BNC2: variants seen among roughly 807,000 people sequenced by gnomAD.
BNC2 encodes zinc finger protein basonuclin-2.
In BNC2, 20 loss-of-function variants were observed where a neutral mutation model predicts 76.3. That is an observed-to-expected ratio of 0.26 (90% CI 0.18 to 0.38). The LOEUF (loss-of-function observed/expected upper bound fraction) is 0.38. BNC2 is among the 10% of genes least tolerant of loss of function. The pLI is 1.00. For synonymous variants in BNC2, 582 were observed against 514.8 expected (o/e 1.13, Z -1.77); for missense variants, 1,382 against 1,399.8 (o/e 0.99, Z 0.20).
At chr9:16,674,414 C>A (rs2134213419) in intron 3 of BNC2, among the ~76,000 whole-genome samples, 1 of 152,288 alleles carries the variant, frequency 6.6e-6, no homozygotes, top group African/African-American at 2.4e-5. Flanking sequence ...TGTCAGCACT[C>A]TTTTAAAACC....
chr9:16,750,126 TTC>T, intron 1 of BNC2, among the ~76,000 whole-genome samples: 2 of 152,320 alleles, frequency 1.3e-5, no homozygotes, highest in Middle Eastern at 3.4e-3. Context: ...GAGTTTTGTT[TTC>T]TGTTTTAAAG....
intron 1 of BNC2, among the ~76,000 whole-genome samples, chr9:16,843,317 G>A (rs886437913): frequency 1.3e-5 from 2 of 152,198 alleles, no homozygotes; most frequent in African/African-American, 4.8e-5. Flanking sequence ...TTCGAAAGGT[G>A]TACACTAAGA....
At chr9:16,487,863 G>T (rs1822197402) in intron 5 of BNC2, among the ~76,000 whole-genome samples, 1 of 152,128 alleles carries the variant, frequency 6.6e-6, no homozygotes, top group African/African-American at 2.4e-5. Flanking sequence ...CCTAATGCAG[G>T]ATCAGTAAGC....
chr9:16,614,773 C>T (rs1455314451), intron 3 of BNC2, among the ~76,000 whole-genome samples: 1 of 151,680 alleles, frequency 6.6e-6, no homozygotes, highest in Non-Finnish European at 1.5e-5. Flanking sequence ...ACAGGGAAGC[C>T]CTGTCTCTAC....
chr9:16,749,766 T>C (rs1825130323), intron 1 of BNC2, among the ~76,000 whole-genome samples: 2 of 151,824 alleles, frequency 1.3e-5, no homozygotes, highest in Admixed American at 1.3e-4. Flanking sequence ...ATGAAAGATA[T>C]TATTTAATAA....
rs1554729471 is a variant in BNC2 at position 16,780,249 on chromosome 9, A to AAC, written c.4-41765_4-41764insGT. On this transcript the variant is annotated intron_variant, in intron 1 of 6. Coordinates refer to ENST00000380672, the MANE Select transcript of BNC2 (RefSeq NM_017637.6). ...AGACTTCGTTTCAAAAAAAAAAAAA[A>AAC]AAAAAAACAAAAAAAAACTACTGAA... is the stretch of plus-strand genomic sequence containing the variant. Among the ~76,000 whole-genome samples the AAC allele has an allele frequency of 5.5e-3, 720 of 132,078 alleles. 16 individuals are homozygous for AAC. The highest frequency in any genetic ancestry group is 0.023 in the African/African-American group (656 of 28,782). The allele number at this position is 132,078 out of a possible 152,430, so 86.6% of individuals were successfully genotyped here. A position where few individuals can be genotyped will look rare whatever the true frequency, so the allele number is the denominator to read the frequency against.
chr9:16,696,662 A>G (rs534299554), intron 3 of BNC2, among the ~76,000 whole-genome samples: 5 of 152,354 alleles, frequency 3.3e-5, no homozygotes, highest in African/African-American at 1.2e-4. Flanking sequence ...CATAGCAGAT[A>G]GTCAACAAAT....
intron 3 of BNC2, among the ~76,000 whole-genome samples, chr9:16,710,949 G>A (rs1823819068): frequency 6.6e-6 from 1 of 152,088 alleles, no homozygotes; most frequent in Admixed American, 6.6e-5. Flanking sequence ...AATTGGCTGG[G>A]CTTCCTGAGA....
At chr9:16,422,343 A>C (rs1322322267) in intron 6 of BNC2, among the ~76,000 whole-genome samples, 1 of 152,110 alleles carries the variant, frequency 6.6e-6, no homozygotes, top group Non-Finnish European at 1.5e-5. Context: ...ATTGACTTTT[A>C]TTCAATTAAG....
At chr9:16,788,338 A>ATCACAAG (rs372924634) in intron 1 of BNC2, among the ~76,000 whole-genome samples, 33 of 151,148 alleles carry the variant, frequency 2.2e-4, no homozygotes, top group Admixed American at 5.9e-4. Context: ...CAGATCATGA[A>ATCACAAG]GTCAGGAGAT....
At chr9:16,428,605 T>C (rs571347726) in intron 6 of BNC2, among the ~76,000 whole-genome samples, 3 of 152,348 alleles carry the variant, frequency 2.0e-5, no homozygotes, top group African/African-American at 4.8e-5. Flanking sequence ...ATAATTCAGA[T>C]TGATATATGC....
chr9:16,837,771 T>C (rs774817907), intron 1 of BNC2, among the ~76,000 whole-genome samples: 1 of 152,318 alleles, frequency 6.6e-6, no homozygotes, highest in Non-Finnish European at 1.5e-5. Flanking sequence ...GCTATCAAAT[T>C]AGCCTGGTCT....
intron 5 of BNC2, among the ~76,000 whole-genome samples, chr9:16,484,678 A>G (rs183008878): frequency 5.1e-4 from 78 of 152,212 alleles, no homozygotes; most frequent in Non-Finnish European, 9.7e-4. Flanking sequence ...ATCATGAAGA[A>G]ATTTCTGAAG....
At chr9:16,843,868 C>A (rs1249101136) in intron 1 of BNC2, among the ~76,000 whole-genome samples, 4 of 152,176 alleles carry the variant, frequency 2.6e-5, no homozygotes, top group Admixed American at 1.3e-4. Flanking sequence ...TAGAATTTTT[C>A]TTCCAAGTCA....
intron 5 of BNC2, among the ~76,000 whole-genome samples, chr9:16,504,940 C>G (rs751335295): frequency 1.3e-5 from 2 of 152,208 alleles, no homozygotes; most frequent in Admixed American, 1.3e-4. Flanking sequence ...TTATTTTAAA[C>G]AGTGTCATCT....
intron 3 of BNC2, among the ~76,000 whole-genome samples, chr9:16,695,535 C>CTTT (rs35589107): frequency 3.9e-5 from 5 of 127,040 alleles, no homozygotes; most frequent in African/African-American, 1.1e-4. Context: ...CTTTTTCTTT[C>CTTT]TTTTTTTTTT....
intron 5 of BNC2, among the ~76,000 whole-genome samples, chr9:16,445,202 T>C (rs1262466731): frequency 1.3e-5 from 2 of 152,238 alleles, no homozygotes; most frequent in Non-Finnish European, 2.9e-5. Flanking sequence ...GAACTTGGCA[T>C]GTTTATTTGT....
chr9:16,808,367 C>T (rs1432875044), intron 1 of BNC2, among the ~76,000 whole-genome samples: 2 of 151,884 alleles, frequency 1.3e-5, no homozygotes. Context: ...TAGAAGGATC[C>T]CTCAAATTAA....
chr9:16,669,246 A>T (rs1192876090), intron 3 of BNC2, among the ~76,000 whole-genome samples: 1 of 152,214 alleles, frequency 6.6e-6, no homozygotes, highest in African/African-American at 2.4e-5. Context: ...ACAAGATAAA[A>T]AATTGTTCCT....
Sources: allele counts gnomAD v4.1 joint callset (sites outside exome capture counted in the v4.1 genomes callset), GRCh38; gene constraint gnomAD v4.1.1; transcripts MANE v1.5; gene names NCBI Gene and HGNC (gene_info 2026-07-23, HGNC 2026-07-21).